The following CD63 variants were observed in gnomAD, a reference collection of about 807,000 sequenced individuals.
CD63 encodes the protein CD63 antigen.
In CD63, 16 loss-of-function variants were observed where a neutral mutation model predicts 29.2. The observed-to-expected ratio is 0.55, with a 90% CI of 0.37 to 0.83. The LOEUF (loss-of-function observed/expected upper bound fraction) is 0.83, where lower values mean the gene tolerates loss of function less well. Ranked by LOEUF, CD63 falls within the 40% of genes least tolerant of loss-of-function variation. CD63 has a pLI of 0.00. For missense variants in CD63, 251 were observed against 297.3 expected, an observed-to-expected ratio of 0.84 and a Z score of 1.15; for synonymous variants, 118 against 111.7, an observed-to-expected ratio of 1.06 and a Z score of -0.36.
rs760217320 is a variant in CD63 at position 55,725,531 on chromosome 12, C to A, written c.*30G>T. 1 of 1,564,420 alleles carries A rather than the reference C, an allele frequency of 6.4e-7. No individual in the cohort carries two copies. Among genetic ancestry groups the A allele is most frequent in the South Asian group, 1.1e-5 (1 of 90,098 alleles). On this transcript the variant is annotated 3_prime_UTR_variant, in exon 8 of 8. Transcript: ENST00000257857. ...ACCTGGAGGATACTATTCCACTCCC[C>A]CAGATGAGGAGGCTGAGGAGACCAG...
rs1877664912 is a variant in CD63, at chr12:55,728,459, G to A, written c.-11-107C>T. ...GCTTCCCTTCACGGCCCCGATTCCC[G>A]GCCCCTCCCACCCGGAAACCCGCGG... is the stretch of plus-strand genomic sequence containing the variant. On this transcript the variant is annotated intron_variant, in intron 1 of 7. Transcript: ENST00000257857. This position sits in a 1 kb window ranked among gnomAD's most constrained non-coding sequence, Gnocchi z 4.8. 1 of 1,509,278 alleles carries A rather than the reference G, an allele frequency of 6.6e-7. No individual in the cohort carries two copies. Among genetic ancestry groups the A allele is most frequent in the African/African-American group, 1.4e-5 (1 of 72,242 alleles). The allele number at this position is 1,509,278 out of a possible 1,614,324, so 93.5% of individuals were successfully genotyped here. A position where few individuals can be genotyped will look rare whatever the true frequency, so the allele number is the denominator to read the frequency against.
intron 7 of CD63, 84 bp downstream of exon 7, chr12:55,725,729 C>T: frequency 3.3e-6 from 5 of 1,522,594 alleles, no homozygotes; most frequent in Admixed American, 1.7e-5. Context: ...CCAGTACCTC[C>T]TGTTCAGCAC....
In CD63 at chr12:55,728,410, C is replaced by T; in HGVS notation, c.-11-58G>A. ...CTGGCCGAAGGGGGACCTCGGTTTC[C>T]GGGCTCCCGGCCGGCCCTCGAGGGC... On this transcript the variant is annotated intron_variant, in intron 1 of 7. Coordinates refer to ENST00000257857, the MANE Select transcript of CD63 (RefSeq NM_001780.6). The surrounding 1 kb of genome is among the most constrained non-coding windows in gnomAD (Gnocchi z 4.8). 7 of 1,557,512 alleles carry T rather than the reference C, an allele frequency of 4.5e-6. No individual in the cohort carries two copies. The highest frequency in any genetic ancestry group is 2.4e-5 in the East Asian group (1 of 42,288).
downstream of CD63, chr12:55,725,236 A>T (rs550216506): frequency 2.6e-6 from 1 of 390,240 alleles, no homozygotes; most frequent in East Asian, 5.5e-5. Context: ...TGGCTTCATG[A>T]ATGTTCATAG....
rs367734010 is a variant in CD63 at position 55,728,319 on chromosome 12, T to A, written c.23A>T (p.Lys8Ile). MAVEGGM[K>I]CVKFLLYVLL... ...GACGTAGAGCAAGAACTTCACACAT[T>A]TCATTCCTCCTTCCACCGCCATGGC... The change falls in exon 2 of 8, where the codon AAA (lysine) becomes ATA (isoleucine). Residue 8 changes from lysine (K) to isoleucine (I), a missense_variant. Physicochemically the swap from Lys to Ile is moderately radical, Grantham distance 102. Transcript: ENST00000257857. This position sits in a 1 kb window ranked among gnomAD's most constrained non-coding sequence, Gnocchi z 4.8. 6.2e-7 allele frequency: 1 copy of A among 1,610,988 alleles called. No individual in the cohort carries two copies. The highest frequency in any genetic ancestry group is 1.7e-5 in the Admixed American group (1 of 59,772).
At chr12:55,726,855 G>A in intron 4 of CD63, 35 bp downstream of exon 4, 3 of 1,609,064 alleles carry the variant, frequency 1.9e-6, no homozygotes, top group African/African-American at 2.7e-5. Context: ...CCCAGACCCG[G>A]CTGAGGCAGG....
At chr12:55,723,739 T>C (rs971044813), downstream of CD63, 25 of 881,418 alleles carry the variant, frequency 2.8e-5, no homozygotes, top group Middle Eastern at 8.5e-4. Flanking sequence ...TCTACCCCAC[T>C]TGACCCTTGT....
intron 3 of CD63, 42 bp downstream of exon 3, chr12:55,727,109 G>A (rs1186973767): frequency 1.3e-6 from 2 of 1,571,568 alleles, no homozygotes; most frequent in Non-Finnish European, 1.7e-6. Context: ...AAGCTGCTCT[G>A]GCAGTCCCAG....
chr12:55,724,227 A>T, downstream of CD63: 1 of 1,485,714 alleles, frequency 6.7e-7, no homozygotes, highest in Non-Finnish European at 9.3e-7. Context: ...TGAGGAGGGG[A>T]CTGAGGGTGA....
At chr12:55,725,113 G>A (rs1877158982), downstream of CD63, among the ~76,000 whole-genome samples, 1 of 152,186 alleles carries the variant, frequency 6.6e-6, no homozygotes, top group Non-Finnish European at 1.5e-5. Flanking sequence ...CAGGAAGGGA[G>A]GTGCTGGGCC....
Position 55,727,327 on chromosome 12 carries a change from C to T in CD63, c.79G>A (p.Gly27Arg). Residue 27 changes from glycine (G) to arginine (R), a missense_variant, in exon 3 of 8, where the codon GGA becomes AGA. Coordinates refer to ENST00000257857, the MANE Select transcript of CD63 (RefSeq NM_001780.6). ...LLLAFCACAV[G>R]LIAVGVGAQL... ...GCCCCGACACCCACGGCAATCAGTC[C>T]CACTGCACAGGCCTAAGAGAAAATC... 6.2e-7 allele frequency: 1 copy of T among 1,613,422 alleles called. No homozygotes were observed. Among genetic ancestry groups the T allele is most frequent in the Non-Finnish European group, 8.5e-7 (1 of 1,179,772 alleles).
chr12:55,725,492 C>T lies in CD63; in HGVS notation c.*69G>A, dbSNP rs1877198963. The T allele has an allele frequency of 8.1e-7, 1 of 1,238,062 alleles. No homozygotes were observed. The highest frequency in any genetic ancestry group is 2.3e-5 in the East Asian group (1 of 43,090). The allele number at this position is 1,238,062 out of a possible 1,614,324, so 76.7% of individuals were successfully genotyped here. ...CTCTTTTCGGTCTGAAAAAATAATC[C>T]GTTTAATTGAAAAACCTGGAGGATA... On this transcript the variant is annotated 3_prime_UTR_variant, in exon 8 of 8. Coordinates refer to ENST00000257857, the MANE Select transcript of CD63 (RefSeq NM_001780.6).
At position 55,727,297 on chromosome 12, in the gene CD63, G is replaced by C. The variant is rs569909052; in HGVS notation, c.109C>G (p.Leu37Val). 5.0e-6 allele frequency: 8 copies of C among 1,613,868 alleles called. No homozygotes were observed. In the African/African-American group the frequency reaches 9.3e-5, roughly 19 times the overall value. ...TGGATTATGGTCTGACTCAGGACAA[G>C]CTGTGCCCCGACACCCACGGCAATC... The part of the protein sequence containing the change: ...GLIAVGVGAQ[L>V]VLSQTIIQGA... Residue 37 changes from leucine to valine, a missense_variant, in exon 3 of 8, where the codon CTT becomes GTT. By Grantham distance (32) the Leu-to-Val change is conservative. Coordinates refer to ENST00000257857, the MANE Select transcript of CD63 (RefSeq NM_001780.6).
At chr12:55,724,161 T>C (rs779468421), downstream of CD63, 108 of 1,471,438 alleles carry the variant, frequency 7.3e-5, no homozygotes, top group Non-Finnish European at 9.5e-5. Flanking sequence ...GGGTTGAGGG[T>C]GAACAGGATG....
At chr12:55,726,985 A>C in intron 3 of CD63, 21 bp from the exon 4 acceptor site, 2 of 1,613,138 alleles carry the variant, frequency 1.2e-6, no homozygotes, top group Non-Finnish European at 1.7e-6. Context: ...AAAGGACAGA[A>C]GTCAAGTTTG....
At chr12:55,729,424 G>A (rs1877770325), upstream of CD63, 1 of 152,714 alleles carries the variant, frequency 6.5e-6, no homozygotes, top group Non-Finnish European at 1.5e-5. Context: ...GGTCTGTGAG[G>A]TTTCCCCATC....
rs1186113742 is a variant in CD63, at chr12:55,728,483, G to C, written c.-11-131C>G. The C allele has an allele frequency of 1.3e-6, 2 of 1,487,534 alleles. No individual in the cohort carries two copies. Among genetic ancestry groups the C allele is most frequent in the Non-Finnish European group, 1.8e-6 (2 of 1,119,964 alleles). 92.1% of individuals were successfully genotyped at this position (1,487,534 alleles called of 1,614,324 possible). On this transcript the variant is annotated intron_variant, in intron 1 of 7. Coordinates refer to ENST00000257857, the MANE Select transcript of CD63 (RefSeq NM_001780.6). This position sits in a 1 kb window ranked among gnomAD's most constrained non-coding sequence, Gnocchi z 4.8. ...CGGCCCCTCCCACCCGGAAACCCGC[G>C]GTCGGATCCACGTCTCCCAGCCCCC...
chr12:55,727,082 C>T, intron 3 of CD63, 69 bp downstream of exon 3: 1 of 1,576,222 alleles, frequency 6.3e-7, no homozygotes, highest in Non-Finnish European at 8.7e-7. Context: ...CCTCACCCAC[C>T]TTCCTGAGCC....
chr12:55,724,741 G>A (rs1301043206), downstream of CD63: 6 of 653,354 alleles, frequency 9.2e-6, no homozygotes, highest in East Asian at 5.5e-5. Context: ...ACTCCAAACC[G>A]ACATGCTCAC....
Sources: gnomAD v4.1 joint callset for allele counts (sites outside exome capture counted in the v4.1 genomes callset) on GRCh38, gnomAD v4.1.1 for gene constraint, Gnocchi (gnomAD v3.1) non-coding constraint, MANE v1.5 for transcripts, NCBI Gene and HGNC (gene_info 2026-07-23, HGNC 2026-07-21) for gene names.